TNFRSF1B: variants seen among roughly 807,000 people sequenced by gnomAD.
The protein encoded by TNFRSF1B is TNF receptor superfamily member 1B, also known as tumor necrosis factor receptor superfamily member 1B.
TNFRSF1B carries 19 observed loss-of-function variants against 44.6 expected under a neutral mutation model. The ratio of observed to expected loss-of-function variants is 0.43; its 90% CI spans 0.30 to 0.62. The LOEUF is 0.62. Among genes scored for constraint, TNFRSF1B ranks in the 20% least tolerant of loss-of-function variants. The pLI, the probability that TNFRSF1B is intolerant of heterozygous loss-of-function variation, is 0.16. For missense variants in TNFRSF1B, 541 were observed against 619.9 expected, an observed-to-expected ratio of 0.87 and a Z score of 1.35; for synonymous variants, 252 against 261.1, an observed-to-expected ratio of 0.97 and a Z score of 0.34.
chr1:12,177,003 G>A lies in TNFRSF1B; in HGVS notation c.78+9834G>A, dbSNP rs531322494. 4.6e-5 allele frequency among the ~76,000 whole-genome samples: 7 copies of A among 151,842 alleles called. No homozygotes were observed. Among genetic ancestry groups the A allele is most frequent in the Non-Finnish European group, 1.0e-4 (7 of 67,928 alleles). ...CCCTGAGCCCTGAGCCCAATGGACC[G>A]ATTCTGTTTTTTTTTTGAGATGGAG... On this transcript the variant is annotated intron_variant, in intron 1 of 9. Transcript: ENST00000376259. The surrounding 1 kb of genome is among the most constrained non-coding windows in gnomAD (Gnocchi z 4.3).
chr1:12,188,501 G>A (rs5746002), intron 1 of TNFRSF1B, among the ~76,000 whole-genome samples: 2,255 of 152,278 alleles, frequency 0.015, 63 homozygotes, highest in African/African-American at 0.052. Context: ...CTGTCTTCTG[G>A]ATATCTGTCC....
chr1:12,198,685 A>C (rs940873347), intron 8 of TNFRSF1B, among the ~76,000 whole-genome samples: 1 of 57,050 alleles, frequency 1.8e-5, no homozygotes, highest in East Asian at 4.4e-4. Context: ...GGCTGGCTGG[A>C]ATTCTGTTTT....
intron 1 of TNFRSF1B, 119 bp from the exon 2 acceptor site, chr1:12,188,677 T>C (rs979557374): frequency 2.4e-5 from 21 of 893,324 alleles, no homozygotes; most frequent in Non-Finnish European, 3.1e-5. Flanking sequence ...TCCCCAGCCA[T>C]CATCAGTGCA....
chr1:12,171,597 C>T lies in TNFRSF1B; in HGVS notation c.78+4428C>T, dbSNP rs12062134. Among the ~76,000 whole-genome samples the T allele has an allele frequency of 0.016, 2,480 of 152,296 alleles. 71 individuals are homozygous for T. The highest frequency in any genetic ancestry group is 0.056 in the African/African-American group (2,314 of 41,534). On this transcript the variant is annotated intron_variant, in intron 1 of 9. Coordinates refer to ENST00000376259, the MANE Select transcript of TNFRSF1B (RefSeq NM_001066.3). The surrounding 1 kb of genome is among the most constrained non-coding windows in gnomAD (Gnocchi z 4.5). The stretch of plus-strand genomic sequence containing the variant: ...TGTCTTCCCACAAGATTGTAAGTAC[C>T]GTGAGGACAGGGACTCATTCACCAC...
intron 9 of TNFRSF1B, among the ~76,000 whole-genome samples, chr1:12,204,959 G>C (rs1222795395): frequency 6.6e-6 from 1 of 151,864 alleles, no homozygotes; most frequent in Non-Finnish European, 1.5e-5. Flanking sequence ...AGGATCACTT[G>C]AGCCCAGGAG....
At chr1:12,206,602 G>C (rs1328870706) in intron 9 of TNFRSF1B, 138 bp from the exon 10 acceptor site, 15 of 921,284 alleles carry the variant, frequency 1.6e-5, no homozygotes, top group Non-Finnish European at 2.1e-5. Flanking sequence ...TCACACAGCA[G>C]AGCTGGGCTA....
chr1:12,181,899 G>A (rs1376317880), intron 1 of TNFRSF1B, among the ~76,000 whole-genome samples: 1 of 152,218 alleles, frequency 6.6e-6, no homozygotes, highest in East Asian at 1.9e-4. Flanking sequence ...TCTGGTGAGG[G>A]ACTGAGCCTT....
At chr1:12,193,161 C>G (rs1166844161) in intron 6 of TNFRSF1B, 63 bp downstream of exon 6, 6 of 1,434,380 alleles carry the variant, frequency 4.2e-6, no homozygotes, top group Non-Finnish European at 4.8e-6. Context: ...GTCTCTCTTT[C>G]TTCCTCTCCC....
At chr1:12,205,332 C>A (rs557418066) in intron 9 of TNFRSF1B, among the ~76,000 whole-genome samples, 1 of 152,192 alleles carries the variant, frequency 6.6e-6, no homozygotes, top group South Asian at 2.1e-4. Flanking sequence ...CTGGAAGGAA[C>A]CCCATCAAGG....
Position 12,183,084 on chromosome 1 carries a change from C to T in TNFRSF1B, c.79-5712C>T, listed in dbSNP as rs17878859. ...AGAAGACCAGACAGTGGGTCTAACA[C>T]GCACAGTTGCCCCTGGGAGGTAGCA... On this transcript the variant is annotated intron_variant, in intron 1 of 9. Transcript: ENST00000376259. Among the ~76,000 whole-genome samples the T allele has an allele frequency of 8.6e-3, 1,315 of 152,356 alleles. 26 individuals are homozygous for T. Among genetic ancestry groups the T allele is most frequent in the African/African-American group, 0.03 (1,239 of 41,584 alleles).
intron 8 of TNFRSF1B, among the ~76,000 whole-genome samples, chr1:12,198,256 T>C (rs1639312954): frequency 6.6e-6 from 1 of 152,110 alleles, no homozygotes. Flanking sequence ...TGCCAGGCAC[T>C]GTGCCCAGCG....
chr1:12,203,742 G>C (rs1480704705), intron 9 of TNFRSF1B, among the ~76,000 whole-genome samples: 1 of 151,752 alleles, frequency 6.6e-6, no homozygotes, highest in African/African-American at 2.4e-5. Flanking sequence ...TTTTTTAAAT[G>C]GGGTCTCGCT....
In TNFRSF1B at chr1:12,186,432, G is replaced by A. The variant is rs770485329; in HGVS notation, c.79-2364G>A. On this transcript the variant is annotated intron_variant, in intron 1 of 9. Coordinates refer to ENST00000376259, the MANE Select transcript of TNFRSF1B (RefSeq NM_001066.3). This position sits in a 1 kb window ranked among gnomAD's most constrained non-coding sequence, Gnocchi z 4.8. ...GTGCTGGGTGTCGTGACTGGTGTCT[G>A]CTCTGACTGGCTTGCTGACAGCTGA... is the stretch of plus-strand genomic sequence containing the variant. Among the ~76,000 whole-genome samples, 5 of 152,234 alleles carry A rather than the reference G, an allele frequency of 3.3e-5. No individual in the cohort carries two copies. Among genetic ancestry groups the A allele is most frequent in the Non-Finnish European group, 5.9e-5 (4 of 68,042 alleles).
chr1:12,183,711 TTCTA>T (rs1553163384), intron 1 of TNFRSF1B, among the ~76,000 whole-genome samples: 2 of 93,224 alleles, frequency 2.1e-5, no homozygotes, highest in Non-Finnish European at 2.4e-5. Flanking sequence ...TATCTATCTA[TTCTA>T]TCTACCTATC....
In TNFRSF1B at chr1:12,167,090, C is replaced by A; in HGVS notation, c.-2C>A. 1 of 1,329,466 alleles carries A rather than the reference C, an allele frequency of 7.5e-7. No individual in the cohort carries two copies. The highest frequency in any genetic ancestry group is 1.9e-5 in the South Asian group (1 of 53,678). 82.4% of individuals were successfully genotyped at this position (1,329,466 alleles called of 1,614,324 possible). On this transcript the variant is annotated 5_prime_UTR_variant, in exon 1 of 10. Transcript: ENST00000376259. Reference sequence around the variant, plus strand: ...GGGGGCAACCGGACCCCGCCCGCACCCATGGCGCCCGTCGCCGTCTGGGCC... The same window carrying A: ...GGGGGCAACCGGACCCCGCCCGCACACATGGCGCCCGTCGCCGTCTGGGCC...
chr1:12,189,035 G>A (rs1639052073), intron 2 of TNFRSF1B, 140 bp downstream of exon 2: 4 of 679,446 alleles, frequency 5.9e-6, no homozygotes, highest in Non-Finnish European at 9.5e-6. Context: ...TGCTGCTTCT[G>A]GGCCTGTGAA....
At chr1:12,196,504 C>T (rs1166847400) in intron 8 of TNFRSF1B, among the ~76,000 whole-genome samples, 5 of 152,034 alleles carry the variant, frequency 3.3e-5, no homozygotes, top group African/African-American at 1.2e-4. Context: ...AACCACTGCT[C>T]GAGGGAACAG....
chr1:12,194,183 A>G (rs1639214935), intron 7 of TNFRSF1B, 151 bp downstream of exon 7: 2 of 663,218 alleles, frequency 3.0e-6, no homozygotes, highest in African/African-American at 3.6e-5. Context: ...CCTGGGGTGA[A>G]GGTACCTCTG....
rs540653380 is a variant in TNFRSF1B at position 12,177,321 on chromosome 1, C to G, written c.78+10152C>G. Among the ~76,000 whole-genome samples the G allele has an allele frequency of 3.3e-5, 5 of 152,282 alleles. No individual in the cohort carries two copies. In the South Asian group the frequency reaches 1.0e-3, roughly 32 times the overall value. On this transcript the variant is annotated intron_variant, in intron 1 of 9. Transcript: ENST00000376259. This position sits in a 1 kb window ranked among gnomAD's most constrained non-coding sequence, Gnocchi z 4.3. Reference sequence around the variant, plus strand: ...CGTGCCCGGCCCCAGTGGACTGATTCTGGTCAGTGTCAACCCCATTTGTCC... The same window carrying G: ...CGTGCCCGGCCCCAGTGGACTGATTGTGGTCAGTGTCAACCCCATTTGTCC...
Sources: allele counts gnomAD v4.1 joint callset (sites outside exome capture counted in the v4.1 genomes callset), GRCh38; gene constraint gnomAD v4.1.1; non-coding constraint Gnocchi (gnomAD v3.1); transcripts MANE v1.5; gene names NCBI Gene and HGNC (gene_info 2026-07-23, HGNC 2026-07-21).